BMP2K: variants seen among roughly 807,000 people sequenced by gnomAD.
BMP2K encodes the protein BMP-2-inducible protein kinase.
Under a neutral mutation model 116.0 loss-of-function variants are expected in BMP2K, and 74 were observed. The observed-to-expected ratio is 0.64, with a 90% CI of 0.53 to 0.77. The LOEUF (loss-of-function observed/expected upper bound fraction) is 0.77, where lower values mean the gene tolerates loss of function less well. Ranked by LOEUF, BMP2K falls within the 30% of genes least tolerant of loss-of-function variation. The probability of loss-of-function intolerance (pLI) is 0.00; values close to 1 mark genes in which losing one functional copy is unlikely to be tolerated. For missense variants in BMP2K, 1,365 were observed against 1,403.6 expected, an observed-to-expected ratio of 0.97 and a Z score of 0.44; for synonymous variants, 486 against 502.5, an observed-to-expected ratio of 0.97 and a Z score of 0.44.
At position 78,887,279 on chromosome 4, in the gene BMP2K, A is replaced by G. The variant is rs200749666; in HGVS notation, c.2057A>G (p.His686Arg). The G allele has an allele frequency of 1.0e-4, 164 of 1,600,448 alleles. No homozygotes were observed. The highest frequency in any genetic ancestry group is 1.0e-3 in the Admixed American group (59 of 59,014). Reference protein sequence around the residue: ...DPFGSVPFISHSGSPEKKAEH... With the variant: ...DPFGSVPFISRSGSPEKKAEH... The stretch of plus-strand genomic sequence containing the variant: ...TTTGGTTCTGTTCCTTTCATTTCTC[A>G]TTCAGGCAAGTTACACATGTAACAT... Residue 686 changes from histidine (H) to arginine (R), a missense_variant, in exon 15 of 16, where the codon CAT becomes CGT. Around this residue, in one of 3 missense-constraint regions of BMP2K, gnomAD observed 596 missense variants for 623.2 expected, o/e 0.96. Transcript: ENST00000502613.
At chr4:78,849,021 G>A (rs966263224) in intron 6 of BMP2K, among the ~76,000 whole-genome samples, 2 of 151,354 alleles carry the variant, frequency 1.3e-5, no homozygotes, top group Non-Finnish European at 3.0e-5. Context: ...CTTCAATGTA[G>A]TACTGATTCA....
intron 1 of BMP2K, among the ~76,000 whole-genome samples, chr4:78,796,455 G>T (rs930469658): frequency 6.6e-5 from 10 of 151,928 alleles, no homozygotes; most frequent in African/African-American, 1.7e-4. Context: ...GTTAGTGGGT[G>T]CAGCGCACCA....
intron 1 of BMP2K, among the ~76,000 whole-genome samples, chr4:78,824,388 A>C (rs1159732944): frequency 6.6e-6 from 1 of 152,206 alleles, no homozygotes; most frequent in Non-Finnish European, 1.5e-5. Context: ...CAATCATGGC[A>C]GAAGGTGAAT....
At chr4:78,802,092 A>G (rs1160547672) in intron 1 of BMP2K, among the ~76,000 whole-genome samples, 1 of 152,226 alleles carries the variant, frequency 6.6e-6, no homozygotes, top group Non-Finnish European at 1.5e-5. Flanking sequence ...TTTGCTCGAT[A>G]TAGACTTCTC....
rs746354376 is a variant in BMP2K at position 78,878,760 on chromosome 4, C to T, written c.1820C>T (p.Ala607Val). The part of the protein sequence containing the change: ...NRSVADKEAI[A>V]NFTNQKNISN... ...TCAGTTGCTGATAAAGAGGCCATTG[C>T]AAATTTCACAAATCAGAAGAACATC... Residue 607 changes from alanine (A) to valine (V), a missense_variant, in exon 14 of 16, where the codon GCA becomes GTA. This residue lies in a region of BMP2K where 762 missense variants were observed against 756.7 expected (regional missense o/e 1.01). Transcript: ENST00000502613. 1 of 1,611,662 alleles carries T rather than the reference C, an allele frequency of 6.2e-7. No individual in the cohort carries two copies.
Position 78,839,247 on chromosome 4 carries a change from G to T in BMP2K, c.404-3138G>T, listed in dbSNP as rs191060342. The stretch of plus-strand genomic sequence containing the variant: ...ATTAGTTGGAGTAGCTCTGCTTCAC[G>T]TGTCCGTCATCCTCTTTCTGTCACT... On this transcript the variant is annotated intron_variant, in intron 3 of 15. Transcript: ENST00000502613. Among the ~76,000 whole-genome samples, 394 of 152,286 alleles carry T rather than the reference G, an allele frequency of 2.6e-3. 1 individual carries two copies. The highest frequency in any genetic ancestry group is 4.4e-3 in the Non-Finnish European group (302 of 68,022).
At chr4:78,838,773 T>A (rs1730615912) in intron 3 of BMP2K, among the ~76,000 whole-genome samples, 1 of 152,176 alleles carries the variant, frequency 6.6e-6, no homozygotes. Context: ...TCCCCTTACG[T>A]GGTTTTAGGT....
At chr4:78,866,714 G>A (rs770316554) in intron 10 of BMP2K, among the ~76,000 whole-genome samples, 1 of 152,006 alleles carries the variant, frequency 6.6e-6, no homozygotes, top group Non-Finnish European at 1.5e-5. Context: ...GCAATAGCAC[G>A]ATCTCGGCTC....
Position 78,776,394 on chromosome 4 carries a change from C to A in BMP2K, c.-150C>A, listed in dbSNP as rs1727229981. 2.6e-6 allele frequency: 2 copies of A among 777,730 alleles called. No homozygotes were observed. The highest frequency in any genetic ancestry group is 3.2e-6 in the Non-Finnish European group (2 of 618,946). The allele number at this position is 777,730 out of a possible 1,614,324, so 48.2% of individuals were successfully genotyped here. ...AGCGGGCGGCGGGGCCCAGGCTGTG[C>A]GCTTGGGGAGCGCGGAATGTGAGGC... On this transcript the variant is annotated 5_prime_UTR_variant, in exon 1 of 16. Coordinates refer to ENST00000502613, the MANE Select transcript of BMP2K (RefSeq NM_198892.2).
At chr4:78,871,133 T>C in intron 11 of BMP2K, 73 bp downstream of exon 11, 1 of 1,564,504 alleles carries the variant, frequency 6.4e-7, no homozygotes, top group South Asian at 1.2e-5. Flanking sequence ...AGTGAATTCC[T>C]TTTTGTATCA....
intron 8 of BMP2K, 146 bp from the exon 9 acceptor site, chr4:78,861,243 A>G (rs1731770945): frequency 5.5e-6 from 3 of 544,410 alleles, no homozygotes; most frequent in Non-Finnish European, 6.4e-6. Flanking sequence ...TGGCAAATAC[A>G]TGTGAATAAT....
At chr4:78,861,826 AG>A (rs1731809769) in intron 9 of BMP2K, among the ~76,000 whole-genome samples, 1 of 151,978 alleles carries the variant, frequency 6.6e-6, no homozygotes, top group Non-Finnish European at 1.5e-5. Flanking sequence ...ATTTAAGGAA[AG>A]AAAAAAATAG....
chr4:78,777,482 CA>C (rs1353697562), intron 1 of BMP2K, among the ~76,000 whole-genome samples: 3 of 152,090 alleles, frequency 2.0e-5, no homozygotes, highest in Admixed American at 1.3e-4. Flanking sequence ...AGTCTACTTA[CA>C]AAAAAAGTTT....
At chr4:78,814,612 C>T (rs182107692) in intron 1 of BMP2K, among the ~76,000 whole-genome samples, 37 of 152,146 alleles carry the variant, frequency 2.4e-4, no homozygotes, top group Middle Eastern at 3.4e-3. Flanking sequence ...TGAAGAAGGA[C>T]GTGTTTGCTT....
At position 78,905,812 on chromosome 4, in the gene BMP2K, A is replaced by T. The variant is rs557885024; in HGVS notation, c.2063-4798A>T. Among the ~76,000 whole-genome samples the T allele has an allele frequency of 4.5e-4, 68 of 149,814 alleles. 2 individuals are homozygous for T. In the South Asian group the frequency reaches 7.4e-3, roughly 16 times the overall value. On this transcript the variant is annotated intron_variant, in intron 15 of 15. Coordinates refer to ENST00000502613, the MANE Select transcript of BMP2K (RefSeq NM_198892.2). Reference sequence around the variant, plus strand: ...GACACAAATAGTGGGAAGATCTGAAATTTTTTTTTTTAAATTATAGGAATA... The same window carrying T: ...GACACAAATAGTGGGAAGATCTGAATTTTTTTTTTTTAAATTATAGGAATA...
Position 78,826,315 on chromosome 4 carries a change from C to T in BMP2K, c.297+160C>T, listed in dbSNP as rs7666526. Among the ~76,000 whole-genome samples the T allele has an allele frequency of 6.2e-3, 942 of 152,238 alleles. 12 individuals are homozygous for T. The highest frequency in any genetic ancestry group is 0.022 in the African/African-American group (909 of 41,530). ...CTCCCAGGTTCAAGCAATTCTCATG[C>T]CTCAGACTCCCAAGTAGCCAGGATT... On this transcript the variant is annotated intron_variant, in intron 2 of 15. Transcript: ENST00000502613.
chr4:78,861,811 TTTTAA>T (rs1466420652), intron 9 of BMP2K, among the ~76,000 whole-genome samples: 1 of 151,946 alleles, frequency 6.6e-6, no homozygotes, highest in Admixed American at 6.6e-5. Context: ...ATGTTTATTT[TTTTAA>T]TTTAAGGAAA....
In BMP2K at chr4:78,871,935, A is replaced by G. The variant is rs1292138382; in HGVS notation, c.1595A>G (p.Gln532Arg). 3 of 1,606,188 alleles carry G rather than the reference A, an allele frequency of 1.9e-6. No individual in the cohort carries two copies. Among genetic ancestry groups the G allele is most frequent in the Admixed American group, 1.7e-5 (1 of 59,206 alleles). ...TATCAACCACAACCTTCTGCATCAC[A>G]GTATCCTACAATGGTAACTTAAATA... ...SVYQPQPSAS[Q>R]YPTMMPQYQQ... Residue 532 changes from glutamine (Q) to arginine (R), a missense_variant, in exon 12 of 16, where the codon CAG becomes CGG. This residue lies in a region of BMP2K where 762 missense variants were observed against 756.7 expected (regional missense o/e 1.01). Coordinates refer to ENST00000502613, the MANE Select transcript of BMP2K (RefSeq NM_198892.2).
chr4:78,801,344 CTGTGTGTGTGTGTG>C (rs112302359), intron 1 of BMP2K, among the ~76,000 whole-genome samples: 8 of 143,184 alleles, frequency 5.6e-5, no homozygotes, highest in Admixed American at 2.1e-4. Flanking sequence ...GTTGAAGTAG[CTGTGTGTGTGTGTG>C]TGTGTGTGTG....
Sources: gnomAD v4.1 joint callset for allele counts (sites outside exome capture counted in the v4.1 genomes callset) on GRCh38, gnomAD v4.1.1 for gene constraint, gnomAD v4.1.1 regional missense constraint, MANE v1.5 for transcripts, NCBI Gene and HGNC (gene_info 2026-07-23, HGNC 2026-07-21) for gene names.